The following CLCN5 variants were observed in gnomAD, a reference collection of about 807,000 sequenced individuals.
CLCN5 encodes the protein H(+)/Cl(-) exchange transporter 5.
CLCN5 carries 17 observed loss-of-function variants against 54.0 expected under a neutral mutation model. That is an observed-to-expected ratio of 0.31 (90% CI 0.22 to 0.47). The LOEUF is 0.47. Among genes scored for constraint, CLCN5 ranks in the 20% least tolerant of loss-of-function variants. The pLI is 1.00. For synonymous variants in CLCN5, 222 were observed against 233.0 expected (o/e 0.95, Z 0.43); for missense variants, 448 against 646.7 (o/e 0.69, Z 3.33).
chrX:50,014,602 C>T (rs782752428), intron 3 of CLCN5: 90 of 355,851 alleles, frequency 2.5e-4, no homozygotes, highest in South Asian at 2.3e-3. Flanking sequence ...CTGCCCTGCT[C>T]CCCCTCTCTA....
chrX:49,991,928 G>T (rs782731777), intron 3 of CLCN5, among the ~76,000 whole-genome samples: 62 of 111,982 alleles, frequency 5.5e-4, no homozygotes, highest in Middle Eastern at 4.7e-3. Context: ...ATGTGCAGAG[G>T]TGCTGCTCAG....
At chrX:49,931,537 A>AT (rs1925649209) in intron 3 of CLCN5, among the ~76,000 whole-genome samples, 1 of 110,941 alleles carries the variant, frequency 9.0e-6, no homozygotes, top group African/African-American at 3.3e-5. Flanking sequence ...CATAGTTTTC[A>AT]TACTAGGGGA....
chrX:49,998,509 C>T, intron 3 of CLCN5, among the ~76,000 whole-genome samples: 1 of 111,771 alleles, frequency 8.9e-6, no homozygotes, highest in Non-Finnish European at 1.9e-5. Flanking sequence ...AGCCTTCTAC[C>T]TCAGGCCTGC....
intron 3 of CLCN5, among the ~76,000 whole-genome samples, chrX:49,962,388 G>A (rs1186418183): frequency 1.8e-5 from 2 of 111,579 alleles, no homozygotes; most frequent in Admixed American, 9.5e-5. Context: ...TCTTATCAAT[G>A]ATGCTTCAAG....
At chrX:49,969,960 T>C (rs1928117187) in intron 3 of CLCN5, among the ~76,000 whole-genome samples, 1 of 111,677 alleles carries the variant, frequency 9.0e-6, no homozygotes, top group Admixed American at 9.6e-5. Context: ...AGGATTACTA[T>C]GTACTTTTGA....
intron 3 of CLCN5, among the ~76,000 whole-genome samples, chrX:49,951,369 C>T (rs1557172979): frequency 1.8e-5 from 2 of 111,889 alleles, no homozygotes; most frequent in Non-Finnish European, 3.8e-5. Flanking sequence ...GGCCTATTCT[C>T]TAATGTTTGC....
chrX:49,992,338 G>A (rs887504582), intron 3 of CLCN5, among the ~76,000 whole-genome samples: 38 of 106,721 alleles, frequency 3.6e-4, no homozygotes, highest in African/African-American at 1.3e-3. Context: ...GCAGTTTCAT[G>A]TCCTACCCTA....
At chrX:50,083,037 T>G (rs1018458611) in intron 9 of CLCN5, among the ~76,000 whole-genome samples, 2 of 111,388 alleles carry the variant, frequency 1.8e-5, no homozygotes, top group African/African-American at 6.5e-5. Flanking sequence ...GGTTTACTTT[T>G]TTCTTGCTAT....
chrX:50,080,057 TA>T (rs1265951596), intron 7 of CLCN5, among the ~76,000 whole-genome samples: 1 of 111,128 alleles, frequency 9.0e-6, no homozygotes, highest in African/African-American at 3.3e-5. Flanking sequence ...ATACATACAA[TA>T]AAAAAATTTT....
rs375542213 is a variant in CLCN5 at position 50,092,778 on chromosome X, A to G, written c.*559A>G. On this transcript the variant is annotated 3_prime_UTR_variant, in exon 15 of 15. Coordinates refer to ENST00000376091, the MANE Select transcript of CLCN5 (RefSeq NM_001127898.4). ...TCCTGTTACAATATTTAGCATTATT[A>G]GTTTGTTATGTGTGTATGTTTATGT... The G allele has an allele frequency of 5.8e-4, 68 of 116,735 alleles. No homozygotes were observed. The South Asian group carries it at 0.021, about 36-fold the overall frequency. 9.6% of individuals were successfully genotyped at this position (116,735 alleles called of 1,213,427 possible).
At chrX:49,966,612 A>AAT (rs1927894781) in intron 3 of CLCN5, among the ~76,000 whole-genome samples, 1 of 19,090 alleles carries the variant, frequency 5.2e-5, no homozygotes, top group Non-Finnish European at 7.2e-5. Flanking sequence ...TTTTTTTTTT[A>AAT]TTTTTTTATT....
chrX:50,088,316 TCAATA>T (rs1364371465), intron 11 of CLCN5: 2 of 197,930 alleles, frequency 1.0e-5, no homozygotes, highest in African/African-American at 5.9e-5. Flanking sequence ...TGGTAGGTAC[TCAATA>T]AAGGGTAGTC....
intron 3 of CLCN5, among the ~76,000 whole-genome samples, chrX:49,961,484 C>T (rs1927594344): frequency 8.9e-6 from 1 of 112,191 alleles, no homozygotes; most frequent in Non-Finnish European, 1.9e-5. Flanking sequence ...AGAGGCAACA[C>T]AGAGGGTTGA....
chrX:49,965,766 C>T (rs1161747340), intron 3 of CLCN5, among the ~76,000 whole-genome samples: 5 of 112,018 alleles, frequency 4.5e-5, no homozygotes, highest in Admixed American at 1.9e-4. Flanking sequence ...GCCCTTTATC[C>T]GCTGGAGGAA....
At chrX:50,061,980 C>A (rs1223685201) in intron 4 of CLCN5, among the ~76,000 whole-genome samples, 3 of 87,062 alleles carry the variant, frequency 3.4e-5, no homozygotes, top group Non-Finnish European at 6.5e-5. Flanking sequence ...CACCACCAGG[C>A]CTGCCCTAAA....
chrX:49,966,329 A>G (rs898952192), intron 3 of CLCN5, among the ~76,000 whole-genome samples: 1 of 110,830 alleles, frequency 9.0e-6, no homozygotes, highest in Non-Finnish European at 1.9e-5. Flanking sequence ...CATTTCATCT[A>G]TGTTTTAAAA....
intron 3 of CLCN5, among the ~76,000 whole-genome samples, chrX:50,016,395 A>G (rs1602053518): frequency 9.0e-6 from 1 of 110,951 alleles, no homozygotes; most frequent in East Asian, 2.8e-4. Flanking sequence ...TTAGGTTTAC[A>G]AAAAGATTGA....
intron 6 of CLCN5, among the ~76,000 whole-genome samples, chrX:50,075,089 G>A (rs1212994059): frequency 3.6e-5 from 4 of 111,842 alleles, no homozygotes; most frequent in African/African-American, 1.3e-4. Context: ...TTCTCAGTAA[G>A]AAAACTTCAG....
At chrX:49,932,525 C>T (rs1907361558) in intron 3 of CLCN5, among the ~76,000 whole-genome samples, 1 of 111,769 alleles carries the variant, frequency 8.9e-6, no homozygotes, top group African/African-American at 3.3e-5. Flanking sequence ...CATGTGTGGC[C>T]CCCTGGACAA....
Sources: gnomAD v4.1 joint callset for allele counts (sites outside exome capture counted in the v4.1 genomes callset) on GRCh38, gnomAD v4.1.1 for gene constraint, MANE v1.5 for transcripts, NCBI Gene and HGNC (gene_info 2026-07-23, HGNC 2026-07-21) for gene names.